The following DGKB variants were observed in gnomAD, a reference collection of about 807,000 sequenced individuals.
DGKB encodes the protein diacylglycerol kinase beta.
Under a neutral mutation model 114.3 loss-of-function variants are expected in DGKB, and 67 were observed. That is an observed-to-expected ratio of 0.59 (90% confidence interval 0.48 to 0.72). The LOEUF is 0.72. DGKB is among the 30% of genes least tolerant of loss of function. The pLI is 0.00. For synonymous variants in DGKB, 398 were observed against 323.1 expected, an observed-to-expected ratio of 1.23 and a Z score of -2.49; for missense variants, 907 against 975.2, an observed-to-expected ratio of 0.93 and a Z score of 0.93.
At chr7:14,209,487 A>C (rs1371232927) in intron 23 of DGKB, 1 of 490,608 alleles carries the variant, frequency 2.0e-6, no homozygotes, top group Non-Finnish European at 4.2e-6. Context: ...TCTCCTTCCA[A>C]AGGTTTTTTT....
intron 2 of DGKB, among the ~76,000 whole-genome samples, chr7:14,793,849 A>G (rs73680304): frequency 1.9e-3 from 293 of 152,222 alleles, no homozygotes; most frequent in African/African-American, 6.4e-3. Flanking sequence ...TGGACTCAAT[A>G]AAGTAGATTG....
In DGKB at chr7:14,665,582, A is replaced by G. The variant is rs1036081329; in HGVS notation, c.1134+7347T>C. ...CACAAAATGTGTACATACAGAAAAC[A>G]AAACTAAATCATGGAGGTGAATACA... On this transcript the variant is annotated intron_variant, in intron 13 of 25. Transcript: ENST00000402815. 2.6e-5 allele frequency among the ~76,000 whole-genome samples: 4 copies of G among 152,210 alleles called. No homozygotes were observed. In the East Asian group the frequency reaches 7.7e-4, roughly 29 times the overall value.
intron 21 of DGKB, among the ~76,000 whole-genome samples, chr7:14,418,832 T>C (rs1041973893): frequency 1.3e-5 from 2 of 151,928 alleles, no homozygotes; most frequent in African/African-American, 4.8e-5. Context: ...AGTTTAAAAA[T>C]AGATGTGACA....
intron 23 of DGKB, among the ~76,000 whole-genome samples, chr7:14,305,694 T>C (rs1431617761): frequency 6.6e-6 from 1 of 152,144 alleles, no homozygotes; most frequent in Non-Finnish European, 1.5e-5. Flanking sequence ...TCCCACAGAT[T>C]GCACCAGTGT....
chr7:14,432,843 C>G (rs998182198), intron 21 of DGKB, among the ~76,000 whole-genome samples: 11 of 152,142 alleles, frequency 7.2e-5, no homozygotes, highest in African/African-American at 2.7e-4. Flanking sequence ...TTTAAATGCT[C>G]CAGAACCTTT....
intron 23 of DGKB, among the ~76,000 whole-genome samples, chr7:14,204,916 A>T (rs550513415): frequency 9.5e-4 from 144 of 152,132 alleles, no homozygotes; most frequent in African/African-American, 3.4e-3. Context: ...CACTTTAAGC[A>T]CTTGTATAAG....
At chr7:14,846,182 C>T (rs562284466) in intron 1 of DGKB, among the ~76,000 whole-genome samples, 157 of 152,248 alleles carry the variant, frequency 1.0e-3, no homozygotes, top group Middle Eastern at 6.8e-3. Flanking sequence ...ATAATGGTAT[C>T]TCTGAGTGGC....
At chr7:14,396,308 A>G (rs960339078) in intron 21 of DGKB, among the ~76,000 whole-genome samples, 7 of 152,188 alleles carry the variant, frequency 4.6e-5, no homozygotes, top group African/African-American at 1.7e-4. Flanking sequence ...CAAGAGGCAC[A>G]GTAGCCTAGC....
intron 23 of DGKB, among the ~76,000 whole-genome samples, chr7:14,297,696 T>G (rs888653435): frequency 2.6e-5 from 4 of 152,120 alleles, no homozygotes; most frequent in African/African-American, 9.7e-5. Flanking sequence ...TATTGGAAGC[T>G]CTGGCCAGGG....
chr7:14,649,475 T>G (rs909943319), intron 13 of DGKB, among the ~76,000 whole-genome samples: 4 of 151,652 alleles, frequency 2.6e-5, no homozygotes, highest in Admixed American at 2.0e-4. Context: ...AGGCCTGCCT[T>G]ACAAGAGCTC....
chr7:14,691,750 G>T (rs1429695042), intron 9 of DGKB, among the ~76,000 whole-genome samples: 1 of 151,730 alleles, frequency 6.6e-6, no homozygotes, highest in Non-Finnish European at 1.5e-5. Context: ...CAGAGATGGG[G>T]TGGGGGGCGG....
chr7:14,368,289 T>C (rs778641513), intron 21 of DGKB, among the ~76,000 whole-genome samples: 23 of 152,166 alleles, frequency 1.5e-4, no homozygotes, highest in Non-Finnish European at 2.5e-4. Flanking sequence ...CTGTGGGTTT[T>C]GATAACTGTA....
At chr7:14,657,284 T>C (rs1816041565) in intron 13 of DGKB, among the ~76,000 whole-genome samples, 3 of 123,674 alleles carry the variant, frequency 2.4e-5, no homozygotes, top group Admixed American at 1.7e-4. Flanking sequence ...ATTTAAAAAA[T>C]TAAATAAATA....
intron 21 of DGKB, among the ~76,000 whole-genome samples, chr7:14,412,989 A>G (rs868229990): frequency 0.019 from 2,870 of 152,136 alleles, 78 homozygotes; most frequent in African/African-American, 0.066. Context: ...TCAAAAAAAA[A>G]AAAAAGTCAG....
At chr7:14,934,480 C>A (rs1176994271) in intron 1 of DGKB, among the ~76,000 whole-genome samples, 4 of 151,998 alleles carry the variant, frequency 2.6e-5, no homozygotes, top group Admixed American at 6.6e-5. Flanking sequence ...AATTGGTTTT[C>A]ATTTATTTAT....
intron 13 of DGKB, among the ~76,000 whole-genome samples, chr7:14,658,039 A>C (rs1816216435): frequency 6.6e-6 from 1 of 151,976 alleles, no homozygotes; most frequent in Non-Finnish European, 1.5e-5. Flanking sequence ...GCTATTTAAG[A>C]CTTAATCACC....
At chr7:14,509,425 G>A (rs1787634915) in intron 20 of DGKB, among the ~76,000 whole-genome samples, 1 of 152,138 alleles carries the variant, frequency 6.6e-6, no homozygotes. Flanking sequence ...CTCCCTTGAA[G>A]CAGTGGAGTA....
intron 1 of DGKB, among the ~76,000 whole-genome samples, chr7:14,888,306 G>A (rs983396): frequency 6.6e-6 from 1 of 151,338 alleles, no homozygotes; most frequent in Non-Finnish European, 1.5e-5. Context: ...CTAAACACAC[G>A]GGTTCTTTTC....
chr7:14,574,261 C>T lies in DGKB; in HGVS notation c.1721G>A (p.Gly574Glu). Residue 574 changes from glycine (G) to glutamate (E), a missense_variant, in exon 20 of 26, where the codon GGA becomes GAA. Coordinates refer to ENST00000402815, the MANE Select transcript of DGKB (RefSeq NM_001350709.2). ...EVIPNDKDEKGDPVPYSIINN... is the reference protein window; with the variant it reads ...EVIPNDKDEKEDPVPYSIINN... ...GATGATACTGTAAGGCACTGGGTCT[C>T]CTTTCTCATCTTTGTCATTAGGTAT... 1 of 1,613,408 alleles carries T rather than the reference C, an allele frequency of 6.2e-7. No individual in the cohort carries two copies. Among genetic ancestry groups the T allele is most frequent in the Non-Finnish European group, 8.5e-7 (1 of 1,179,578 alleles).
Sources: allele counts gnomAD v4.1 joint callset (sites outside exome capture counted in the v4.1 genomes callset), GRCh38; gene constraint gnomAD v4.1.1; transcripts MANE v1.5; gene names NCBI Gene and HGNC (gene_info 2026-07-23, HGNC 2026-07-21).